The following RNGTT variants were observed in gnomAD, a reference collection of about 807,000 sequenced individuals.
RNGTT encodes the protein RNA guanylyltransferase and 5'-phosphatase, also known as mRNA-capping enzyme.
In RNGTT, 33 loss-of-function variants were observed where a neutral mutation model predicts 79.3. The observed-to-expected ratio is 0.42, with a 90% CI of 0.32 to 0.56. RNGTT has a LOEUF of 0.56. Among genes scored for constraint, RNGTT ranks in the 20% least tolerant of loss-of-function variants. The probability of loss-of-function intolerance (pLI) is 0.17; values close to 1 mark genes in which losing one functional copy is unlikely to be tolerated. For synonymous variants in RNGTT, 222 were observed against 235.9 expected, an observed-to-expected ratio of 0.94 and a Z score of 0.54; for missense variants, 497 against 739.1, an observed-to-expected ratio of 0.67 and a Z score of 3.80.
intron 4 of RNGTT, among the ~76,000 whole-genome samples, chr6:88,908,511 G>A (rs1340807513): frequency 1.3e-5 from 2 of 152,180 alleles, no homozygotes; most frequent in Non-Finnish European, 2.9e-5. Flanking sequence ...GAAGAGGGAA[G>A]AAGCGACGTA....
chr6:88,825,590 T>C (rs1405794137), intron 11 of RNGTT, among the ~76,000 whole-genome samples: 1 of 152,234 alleles, frequency 6.6e-6, no homozygotes, highest in South Asian at 2.1e-4. Context: ...GACATACATA[T>C]ATTTTTTTAA....
intron 8 of RNGTT, among the ~76,000 whole-genome samples, chr6:88,887,297 C>T (rs970402061): frequency 8.5e-5 from 13 of 152,114 alleles, no homozygotes; most frequent in Non-Finnish European, 1.3e-4. Context: ...GCTTTAACGA[C>T]GATGGAGTCC....
At chr6:88,667,553 A>G (rs1220609322) in intron 14 of RNGTT, among the ~76,000 whole-genome samples, 9 of 152,094 alleles carry the variant, frequency 5.9e-5, no homozygotes, top group African/African-American at 1.9e-4. Flanking sequence ...GGTAACAAGT[A>G]TCTGCTGGTT....
At chr6:88,661,491 C>G (rs1225888064) in intron 14 of RNGTT, among the ~76,000 whole-genome samples, 3 of 151,930 alleles carry the variant, frequency 2.0e-5, no homozygotes, top group African/African-American at 7.3e-5. Context: ...ATGGGAGATA[C>G]TACAACTGAT....
intron 13 of RNGTT, among the ~76,000 whole-genome samples, chr6:88,762,297 G>C (rs1778294631): frequency 2.0e-5 from 3 of 152,158 alleles, no homozygotes; most frequent in Admixed American, 2.0e-4. Context: ...TGCTAGGAAA[G>C]GCCAAATAAA....
chr6:88,737,417 A>T (rs1777323729), intron 13 of RNGTT, among the ~76,000 whole-genome samples: 2 of 152,212 alleles, frequency 1.3e-5, no homozygotes, highest in Admixed American at 6.5e-5. Context: ...GGAATGAATT[A>T]AGACTTGGGA....
intron 13 of RNGTT, among the ~76,000 whole-genome samples, chr6:88,757,399 G>A (rs1214214013): frequency 6.6e-6 from 1 of 152,120 alleles, no homozygotes; most frequent in Non-Finnish European, 1.5e-5. Context: ...TGTATATCTG[G>A]AGAAATCAAA....
intron 13 of RNGTT, among the ~76,000 whole-genome samples, chr6:88,679,844 T>A (rs1775022964): frequency 6.6e-6 from 1 of 152,164 alleles, no homozygotes; most frequent in South Asian, 2.1e-4. Flanking sequence ...ATGGACATTG[T>A]GAATAAATGG....
chr6:88,949,258 CTTTTTT>C (rs1237749319), intron 1 of RNGTT, among the ~76,000 whole-genome samples: 3 of 106,280 alleles, frequency 2.8e-5, no homozygotes, highest in African/African-American at 3.9e-5. Flanking sequence ...AATAATCAGT[CTTTTTT>C]TTTTTTTTTT....
chr6:88,955,545 T>A, intron 1 of RNGTT, among the ~76,000 whole-genome samples: 1 of 113,990 alleles, frequency 8.8e-6, no homozygotes, highest in African/African-American at 3.5e-5. Flanking sequence ...GTGAGACTCA[T>A]CTCAAAAAAA....
chr6:88,769,356 C>T (rs1000457332), intron 13 of RNGTT, among the ~76,000 whole-genome samples: 6 of 151,798 alleles, frequency 4.0e-5, no homozygotes, highest in Admixed American at 2.0e-4. Flanking sequence ...AGGGGGGTTT[C>T]GTCATGTTGC....
At chr6:88,645,319 G>A (rs909991269) in intron 14 of RNGTT, among the ~76,000 whole-genome samples, 1 of 152,148 alleles carries the variant, frequency 6.6e-6, no homozygotes, top group African/African-American at 2.4e-5. Flanking sequence ...CCTCTTAAAG[G>A]AGAACTACAA....
At chr6:88,790,474 GT>G (rs1779371980) in intron 12 of RNGTT, among the ~76,000 whole-genome samples, 1 of 152,168 alleles carries the variant, frequency 6.6e-6, no homozygotes, top group Non-Finnish European at 1.5e-5. Context: ...TTAAGTGAAA[GT>G]TTACCCAAGA....
chr6:88,791,572 C>T (rs1055832341), intron 12 of RNGTT, among the ~76,000 whole-genome samples: 4 of 152,160 alleles, frequency 2.6e-5, no homozygotes, highest in South Asian at 4.1e-4. Flanking sequence ...CAGAGTCTGG[C>T]TCTGACGCCC....
chr6:88,747,945 T>TACCACACA (rs965096919), intron 13 of RNGTT, among the ~76,000 whole-genome samples: 9 of 152,162 alleles, frequency 5.9e-5, no homozygotes, highest in African/African-American at 2.2e-4. Context: ...TATCATCTAG[T>TACCACACA]ACCACACAAG....
At chr6:88,878,079 T>C (rs1288776681) in intron 8 of RNGTT, among the ~76,000 whole-genome samples, 1 of 138,332 alleles carries the variant, frequency 7.2e-6, no homozygotes, top group African/African-American at 2.9e-5. Flanking sequence ...TTCATTTGTT[T>C]ATTTATTTAT....
rs1783724850 is a variant in RNGTT at position 88,908,391 on chromosome 6, C to A, written c.368-1951G>T. On this transcript the variant is annotated intron_variant, in intron 4 of 15. Coordinates refer to ENST00000369485, the MANE Select transcript of RNGTT (RefSeq NM_003800.5). ...AGGAACCAAAATATCAAGTAAGCCA[C>A]CACACTTTGAACCACCAAAACTTGA... Among the ~76,000 whole-genome samples the A allele has an allele frequency of 2.0e-5, 3 of 152,138 alleles. No homozygotes were observed. The South Asian group carries it at 6.2e-4, about 32-fold the overall frequency.
chr6:88,876,376 A>G (rs1782519131), intron 8 of RNGTT, among the ~76,000 whole-genome samples: 1 of 152,190 alleles, frequency 6.6e-6, no homozygotes, highest in South Asian at 2.1e-4. Context: ...AACAAAAAAA[A>G]GACAAAAATT....
chr6:88,919,174 A>T (rs1267629792), intron 4 of RNGTT, among the ~76,000 whole-genome samples: 1 of 152,224 alleles, frequency 6.6e-6, no homozygotes, highest in African/African-American at 2.4e-5. Flanking sequence ...AAGCTTAGAT[A>T]CGTCTTCAGT....
Sources: gnomAD v4.1 joint callset for allele counts (sites outside exome capture counted in the v4.1 genomes callset) on GRCh38, gnomAD v4.1.1 for gene constraint, MANE v1.5 for transcripts, NCBI Gene and HGNC (gene_info 2026-07-23, HGNC 2026-07-21) for gene names.